Variants in HAUS8 observed in about 807,000 individuals in gnomAD.
HAUS8 encodes HAUS augmin like complex subunit 8, also known as HAUS augmin-like complex subunit 8.
A neutral mutation model predicts 42.9 loss-of-function variants in HAUS8; 38 were observed. The observed-to-expected ratio is 0.89, with a 90% CI of 0.68 to 1.16. The LOEUF is 1.16. Among genes scored for constraint, HAUS8 ranks in the 50% most tolerant of loss-of-function variants. The pLI, the probability that HAUS8 is intolerant of heterozygous loss-of-function variation, is 0.00. For synonymous variants in HAUS8, 199 were observed against 205.8 expected, an observed-to-expected ratio of 0.97 and a Z score of 0.28; for missense variants, 494 against 511.6, an observed-to-expected ratio of 0.97 and a Z score of 0.33.
At chr19:17,071,395 G>C (rs146269606) in intron 2 of HAUS8, among the ~76,000 whole-genome samples, 197 of 152,060 alleles carry the variant, frequency 1.3e-3, no homozygotes, top group African/African-American at 4.6e-3. Context: ...GTGCAGGTGG[G>C]TGCCCGGCAG....
chr19:17,056,536 TACACACACACATAC>T (rs1371610024), intron 8 of HAUS8, among the ~76,000 whole-genome samples: 11 of 152,104 alleles, frequency 7.2e-5, no homozygotes, highest in Non-Finnish European at 1.5e-4. Context: ...AGCATCTATA[TACACACACACATAC>T]ACACACACAC....
rs780601312 is a variant in HAUS8 at position 17,075,354 on chromosome 19, T to C, written c.29+40A>G. The C allele has an allele frequency of 5.6e-6, 9 of 1,610,460 alleles. No individual in the cohort carries two copies. In the African/African-American group the frequency reaches 8.0e-5, roughly 14 times the overall value. On this transcript the variant is annotated intron_variant, in intron 1 of 10. Coordinates refer to ENST00000253669, the MANE Select transcript of HAUS8 (RefSeq NM_033417.2). Reference sequence around the variant, plus strand: ...CCGCTGCCCATCCTCTCCAGCCCTATGGCGTCTACAAATCCAGACCTGCGG... The same window carrying C: ...CCGCTGCCCATCCTCTCCAGCCCTACGGCGTCTACAAATCCAGACCTGCGG...
intron 8 of HAUS8, 98 bp from the exon 9 acceptor site, chr19:17,056,100 G>C: frequency 8.9e-7 from 1 of 1,123,446 alleles, no homozygotes; most frequent in Non-Finnish European, 1.3e-6. Context: ...ATACAGCGCT[G>C]TTCTTCACCA....
At position 17,050,242 on chromosome 19, in the gene HAUS8, A is replaced by G; in HGVS notation, c.930-66T>C. The G allele has an allele frequency of 5.5e-6, 7 of 1,267,008 alleles. No individual in the cohort carries two copies. In the South Asian group the frequency reaches 1.5e-4, roughly 27 times the overall value. 78.5% of individuals were successfully genotyped at this position (1,267,008 alleles called of 1,614,324 possible). ...GAGGTGAAGCGCATGTGTGTGGTGA[A>G]CGGAGGGCTGCCACACGGGGAGGCG... On this transcript the variant is annotated intron_variant, in intron 10 of 10. Transcript: ENST00000253669.
At chr19:17,072,971 C>T (rs1365677923) in intron 2 of HAUS8, among the ~76,000 whole-genome samples, 2 of 136,194 alleles carry the variant, frequency 1.5e-5, no homozygotes, top group East Asian at 4.1e-4. Flanking sequence ...AAAAAAAAGG[C>T]AGAGTTTGAT....
chr19:17,067,979 C>T (rs1449668491), intron 3 of HAUS8, among the ~76,000 whole-genome samples: 1 of 152,056 alleles, frequency 6.6e-6, no homozygotes, highest in Non-Finnish European at 1.5e-5. Context: ...TCAATGGTTT[C>T]ACGATATTTC....
chr19:17,061,883 A>G (rs2057362948), intron 4 of HAUS8, among the ~76,000 whole-genome samples: 1 of 152,166 alleles, frequency 6.6e-6, no homozygotes, highest in African/African-American at 2.4e-5. Context: ...CCTTCAACCC[A>G]ATTAGATGGG....
At chr19:17,057,331 C>A in intron 8 of HAUS8, among the ~76,000 whole-genome samples, 1 of 148,592 alleles carries the variant, frequency 6.7e-6, no homozygotes, top group South Asian at 2.2e-4. Flanking sequence ...GCCTGGGTGA[C>A]AGAGCAAGAC....
intron 1 of HAUS8, chr19:17,074,673 C>G (rs113870843): frequency 0.013 from 1,927 of 152,576 alleles, 53 homozygotes; most frequent in African/African-American, 0.043. Context: ...CGAGCCTCAG[C>G]TACTGCACCT....
intron 1 of HAUS8, 105 bp from the exon 2 acceptor site, chr19:17,073,440 G>A: frequency 9.9e-7 from 1 of 1,012,428 alleles, no homozygotes; most frequent in Non-Finnish European, 1.6e-6. Context: ...CCAGTCCAAG[G>A]GCTGCCAGAG....
At position 17,060,068 on chromosome 19, in the gene HAUS8, C is replaced by T; in HGVS notation, c.254G>A (p.Gly85Asp). ...TTCCAGCAACGTGGACTGCAGGTCA[C>T]CCTTTCCGACCCCACTGCTATCTGC... is the stretch of plus-strand genomic sequence containing the variant. ...SKADSSGVGK[G>D]DLQSTLLEGH... Residue 85 changes from glycine to aspartate, a missense_variant, in exon 5 of 11, where the codon GGT (glycine) becomes GAT (aspartate). Coordinates refer to ENST00000253669, the MANE Select transcript of HAUS8 (RefSeq NM_033417.2). 6.2e-7 allele frequency: 1 copy of T among 1,612,986 alleles called. No individual in the cohort carries two copies. Among genetic ancestry groups the T allele is most frequent in the Non-Finnish European group, 8.5e-7 (1 of 1,179,124 alleles).
chr19:17,071,849 G>A (rs2123384925), intron 2 of HAUS8, among the ~76,000 whole-genome samples: 1 of 152,080 alleles, frequency 6.6e-6, no homozygotes, highest in African/African-American at 2.4e-5. Context: ...ATACAAAAAT[G>A]AGCCAGGATG....
chr19:17,067,823 A>T (rs1350183115), intron 3 of HAUS8, among the ~76,000 whole-genome samples: 1 of 152,170 alleles, frequency 6.6e-6, no homozygotes, highest in African/African-American at 2.4e-5. Flanking sequence ...ATTTTATCAT[A>T]AACCAAGATT....
chr19:17,072,712 G>C (rs925923886), intron 2 of HAUS8, among the ~76,000 whole-genome samples: 1 of 151,770 alleles, frequency 6.6e-6, no homozygotes, highest in Non-Finnish European at 1.5e-5. Context: ...GCAGTGGTGC[G>C]ATCTTGGCTC....
At chr19:17,064,395 G>C (rs949106880) in intron 3 of HAUS8, among the ~76,000 whole-genome samples, 1 of 152,224 alleles carries the variant, frequency 6.6e-6, no homozygotes, top group African/African-American at 2.4e-5. Context: ...TCTATGGAAA[G>C]CCAAAGGAAC....
chr19:17,073,439 G>C, intron 1 of HAUS8, 104 bp from the exon 2 acceptor site: 1 of 1,054,158 alleles, frequency 9.5e-7, no homozygotes, highest in Non-Finnish European at 1.5e-6. Flanking sequence ...CCCAGTCCAA[G>C]GGCTGCCAGA....
intron 1 of HAUS8, chr19:17,074,991 C>G: frequency 4.6e-6 from 1 of 216,674 alleles, no homozygotes; most frequent in South Asian, 8.2e-5. Context: ...CTTTGGTCGC[C>G]CAACACTTGT....
intron 1 of HAUS8, chr19:17,073,779 CG>C (rs1338487947): frequency 5.6e-6 from 1 of 179,192 alleles, no homozygotes; most frequent in East Asian, 1.5e-4. Context: ...CTGAGGCTGG[CG>C]GATCACGAGG....
At chr19:17,061,454 ATTG>A (rs1028260999) in intron 4 of HAUS8, among the ~76,000 whole-genome samples, 3 of 151,986 alleles carry the variant, frequency 2.0e-5, no homozygotes, top group African/African-American at 7.2e-5. Context: ...GTAACTTTTT[ATTG>A]TTATTGCTTT....
Sources: allele counts gnomAD v4.1 joint callset (sites outside exome capture counted in the v4.1 genomes callset), GRCh38; gene constraint gnomAD v4.1.1; transcripts MANE v1.5; gene names NCBI Gene and HGNC (gene_info 2026-07-23, HGNC 2026-07-21).